ULK4: variants seen among roughly 807,000 people sequenced by gnomAD.
ULK4 encodes the protein inactive serine/threonine-protein kinase ULK4.
ULK4 carries 133 observed loss-of-function variants against 160.6 expected under a neutral mutation model. The observed-to-expected ratio is 0.83, with a 90% CI of 0.72 to 0.96. ULK4 has a LOEUF of 0.96. ULK4 is among the 40% of genes least tolerant of loss of function. ULK4 has a pLI of 0.00. For synonymous variants in ULK4, 534 were observed against 539.8 expected, an observed-to-expected ratio of 0.99 and a Z score of 0.15; for missense variants, 1,580 against 1,499.5, an observed-to-expected ratio of 1.05 and a Z score of -0.89.
intron 21 of ULK4, among the ~76,000 whole-genome samples, chr3:41,764,179 G>A (rs561658171): frequency 6.6e-5 from 10 of 152,110 alleles, no homozygotes; most frequent in East Asian, 1.9e-4. Context: ...AATCTTACAC[G>A]TGATTTAGCT....
chr3:41,922,562 C>T (rs569623088), intron 5 of ULK4, among the ~76,000 whole-genome samples: 2 of 131,710 alleles, frequency 1.5e-5, no homozygotes, highest in African/African-American at 2.9e-5. Context: ...TGCAGGAAAT[C>T]GTGAAGACAG....
At position 41,246,807 on chromosome 3, in the gene ULK4, C is replaced by T; in HGVS notation, c.*122G>A. 8.1e-7 allele frequency: 1 copy of T among 1,232,420 alleles called. No homozygotes were observed. The highest frequency in any genetic ancestry group is 1.1e-6 in the Non-Finnish European group (1 of 881,820). The allele number at this position is 1,232,420 out of a possible 1,614,324, so 76.3% of individuals were successfully genotyped here. ...TTGGGCCACCAGGTTCTGGGTTAAG[C>T]TGACTTTATTAGGTCCAAAGACAGC... On this transcript the variant is annotated 3_prime_UTR_variant, in exon 37 of 37. Transcript: ENST00000301831.
chr3:41,759,662 T>G (rs1184742797), intron 21 of ULK4, among the ~76,000 whole-genome samples: 1 of 152,028 alleles, frequency 6.6e-6, no homozygotes, highest in African/African-American at 2.4e-5. Flanking sequence ...AAATAAAAAC[T>G]AGAATATGCA....
intron 5 of ULK4, 69 bp from the exon 6 acceptor site, chr3:41,919,887 A>G: frequency 1.0e-6 from 1 of 998,902 alleles, no homozygotes; most frequent in Non-Finnish European, 1.5e-6. Context: ...CCCACCTAGG[A>G]AAGATCTGAT....
chr3:41,363,736 A>G (rs535841052), intron 35 of ULK4, among the ~76,000 whole-genome samples: 1 of 152,224 alleles, frequency 6.6e-6, no homozygotes, highest in Non-Finnish European at 1.5e-5. Context: ...GGGCATGGGC[A>G]TGCATATATG....
At chr3:41,445,294 C>A (rs1324422675) in intron 34 of ULK4, among the ~76,000 whole-genome samples, 11 of 152,282 alleles carry the variant, frequency 7.2e-5, no homozygotes, top group Admixed American at 2.0e-4. Context: ...AATGGCCATA[C>A]TGCCCAAGGT....
intron 30 of ULK4, among the ~76,000 whole-genome samples, chr3:41,628,186 A>G (rs1258198622): frequency 1.3e-5 from 2 of 152,256 alleles, no homozygotes; most frequent in African/African-American, 4.8e-5. Context: ...TCACAGGTCT[A>G]TGACAAGATA....
At chr3:41,488,441 C>A (rs2084624942) in intron 32 of ULK4, among the ~76,000 whole-genome samples, 1 of 152,228 alleles carries the variant, frequency 6.6e-6, no homozygotes, top group Non-Finnish European at 1.5e-5. Context: ...TACACACACA[C>A]ATAACCCAGA....
chr3:41,712,418 T>C (rs997532544), intron 25 of ULK4, among the ~76,000 whole-genome samples: 36 of 152,236 alleles, frequency 2.4e-4, no homozygotes, highest in African/African-American at 8.2e-4. Context: ...AAGAAGTTCT[T>C]GGCTTGCTGC....
intron 35 of ULK4, among the ~76,000 whole-genome samples, chr3:41,293,105 C>A (rs1200516178): frequency 1.3e-5 from 2 of 151,772 alleles, no homozygotes; most frequent in African/African-American, 2.4e-5. Flanking sequence ...CAGAGAGAGG[C>A]TCCATCTAAA....
At chr3:41,350,172 T>C (rs1221775131) in intron 35 of ULK4, among the ~76,000 whole-genome samples, 16 of 152,188 alleles carry the variant, frequency 1.1e-4, no homozygotes, top group Non-Finnish European at 2.2e-4. Context: ...GTTGAAAAAA[T>C]AGTCTTATAA....
At chr3:41,520,278 C>G (rs1415850740) in intron 32 of ULK4, among the ~76,000 whole-genome samples, 1 of 151,250 alleles carries the variant, frequency 6.6e-6, no homozygotes, top group Non-Finnish European at 1.5e-5. Context: ...TTTGATTTTT[C>G]TAGGTACCTC....
At chr3:41,648,702 C>T (rs1377245484) in intron 30 of ULK4, among the ~76,000 whole-genome samples, 4 of 152,170 alleles carry the variant, frequency 2.6e-5, no homozygotes, top group Admixed American at 2.0e-4. Context: ...CACTTCTCTT[C>T]TCCTTTAGGG....
intron 31 of ULK4, among the ~76,000 whole-genome samples, chr3:41,583,560 G>A (rs185895246): frequency 1.3e-5 from 2 of 152,276 alleles, no homozygotes; most frequent in African/African-American, 4.8e-5. Context: ...GGGAGATGAT[G>A]TTAGGCCAGG....
rs1466244521 is a variant in ULK4, at chr3:41,938,201, T to C, written c.139-4A>G. 14 of 1,608,924 alleles carry C rather than the reference T, an allele frequency of 8.7e-6. No individual in the cohort carries two copies. Among genetic ancestry groups the C allele is most frequent in the East Asian group, 2.2e-5 (1 of 44,818 alleles). On this transcript the variant is annotated splice_polypyrimidine_tract_variant and splice_region_variant and intron_variant, in intron 2 of 36. Coordinates refer to ENST00000301831, the MANE Select transcript of ULK4 (RefSeq NM_017886.4). ...TTATTTCACGGGTGAGACGGACCTA[T>C]AAAAACACAGAGCAATCACTCTAAA...
At chr3:41,803,219 G>C (rs1161220155) in intron 19 of ULK4, among the ~76,000 whole-genome samples, 3 of 151,686 alleles carry the variant, frequency 2.0e-5, no homozygotes, top group African/African-American at 7.3e-5. Context: ...TGATATAAAG[G>C]CAGGAAGGAC....
At chr3:41,611,531 G>A (rs1669359746) in intron 31 of ULK4, among the ~76,000 whole-genome samples, 1 of 152,128 alleles carries the variant, frequency 6.6e-6, no homozygotes, top group South Asian at 2.1e-4. Flanking sequence ...CAGCCCCACA[G>A]TCCCTTTGAC....
At chr3:41,725,175 C>G (rs1310604434) in intron 22 of ULK4, among the ~76,000 whole-genome samples, 1 of 152,154 alleles carries the variant, frequency 6.6e-6, no homozygotes, top group Non-Finnish European at 1.5e-5. Flanking sequence ...AAATTTCAGT[C>G]TACACAAAAG....
chr3:41,344,752 C>CAAAA (rs59466358), intron 35 of ULK4, among the ~76,000 whole-genome samples: 47 of 62,806 alleles, frequency 7.5e-4, no homozygotes, highest in African/African-American at 2.5e-3. Flanking sequence ...GACTCTGTCT[C>CAAAA]AAAAAAAAAA....
Sources: allele counts gnomAD v4.1 joint callset (sites outside exome capture counted in the v4.1 genomes callset), GRCh38; gene constraint gnomAD v4.1.1; transcripts MANE v1.5; gene names NCBI Gene and HGNC (gene_info 2026-07-23, HGNC 2026-07-21).